ATXN1: variants seen among roughly 807,000 people sequenced by gnomAD.
The protein encoded by ATXN1 is ataxin-1.
ATXN1 carries 8 observed loss-of-function variants against 56.4 expected under a neutral mutation model. The ratio of observed to expected loss-of-function variants is 0.14; its 90% CI spans 0.08 to 0.26. The LOEUF (loss-of-function observed/expected upper bound fraction) is 0.26, where lower values mean the gene tolerates loss of function less well. Ranked by LOEUF, ATXN1 falls within the 10% of genes least tolerant of loss-of-function variation. The pLI is 1.00. For missense variants in ATXN1, 987 were observed against 1,106.5 expected (o/e 0.89, Z 1.53); for synonymous variants, 514 against 494.6 (o/e 1.04, Z -0.52).
At position 16,305,514 on chromosome 6, in the gene ATXN1, C is replaced by G. The variant is rs376832186; in HGVS notation, c.*815G>C. ...CTCCCTCTCCCCCACCCCCAACCCC[C>G]CTTACCCCATGTGGGGCCATGACAG... On this transcript the variant is annotated 3_prime_UTR_variant, in exon 8 of 8. Transcript: ENST00000436367. The G allele has an allele frequency of 1.3e-5, 2 of 152,458 alleles. No homozygotes were observed. Among genetic ancestry groups the G allele is most frequent in the Non-Finnish European group, 2.9e-5 (2 of 68,082 alleles). 9.4% of individuals were successfully genotyped at this position (152,458 alleles called of 1,614,324 possible). A position where few individuals can be genotyped will look rare whatever the true frequency, so the allele number is the denominator to read the frequency against.
Position 16,328,393 on chromosome 6 carries a change from G to C in ATXN1, c.-83C>G. On this transcript the variant is annotated 5_prime_UTR_variant, in exon 7 of 8. It adds an upstream start codon to the 5' untranslated region. Coordinates refer to ENST00000436367, the MANE Select transcript of ATXN1 (RefSeq NM_001128164.2). The surrounding 1 kb of genome is among the most constrained non-coding windows in gnomAD (Gnocchi z 6.2). ...GTCTGATAAACGGAAAGTCACATTT[G>C]ATTTCTGTAGGGGATCCAGGCTCTT... 7.1e-7 allele frequency: 1 copy of C among 1,410,096 alleles called. No homozygotes were observed. Among genetic ancestry groups the C allele is most frequent in the African/African-American group, 1.4e-5 (1 of 70,248 alleles). The allele number at this position is 1,410,096 out of a possible 1,614,324, so 87.3% of individuals were successfully genotyped here.
At chr6:16,463,187 T>C (rs1370271575) in intron 6 of ATXN1, among the ~76,000 whole-genome samples, 1 of 152,012 alleles carries the variant, frequency 6.6e-6, no homozygotes, top group African/African-American at 2.4e-5. Context: ...AACAACAAAC[T>C]CACACACCTT....
intron 3 of ATXN1, among the ~76,000 whole-genome samples, chr6:16,636,445 T>C (rs1248291011): frequency 6.6e-6 from 1 of 152,310 alleles, no homozygotes; most frequent in East Asian, 1.9e-4. Context: ...AGCTTTGTTC[T>C]CAAGCAAGCC....
chr6:16,579,679 G>T (rs1483013127), intron 4 of ATXN1, among the ~76,000 whole-genome samples: 1 of 152,006 alleles, frequency 6.6e-6, no homozygotes, highest in East Asian at 1.9e-4. Context: ...TAGGTACTCA[G>T]GAAAATCTCC....
In ATXN1 at chr6:16,313,558, ATTTT is replaced by A. The variant is rs527792987; in HGVS notation, c.1918-6703_1918-6700del. Among the ~76,000 whole-genome samples, 15 of 143,634 alleles carry A rather than the reference ATTTT, an allele frequency of 1.0e-4. No homozygotes were observed. In the South Asian group the frequency reaches 2.4e-3, roughly 23 times the overall value. The allele number at this position is 143,634 out of a possible 152,430, so 94.2% of individuals were successfully genotyped here. A position where few individuals can be genotyped will look rare whatever the true frequency, so the allele number is the denominator to read the frequency against. On this transcript the variant is annotated intron_variant, in intron 7 of 7. Transcript: ENST00000436367. ...ACTAAAACAAGATGACGTTAATGGA[ATTTT>A]TTTTTTTTTTTTGAGACAGAGTCTC...
intron 2 of ATXN1, among the ~76,000 whole-genome samples, chr6:16,731,776 C>CA (rs1759993664): frequency 6.6e-6 from 1 of 151,836 alleles, no homozygotes; most frequent in African/African-American, 2.4e-5. Context: ...CACCTACCCC[C>CA]ACCCCTCCTA....
chr6:16,457,308 C>T (rs549917522), intron 6 of ATXN1, among the ~76,000 whole-genome samples: 13 of 151,916 alleles, frequency 8.6e-5, no homozygotes, highest in African/African-American at 2.2e-4. Flanking sequence ...CTAGTGTTTC[C>T]GCTGCTGCTT....
In ATXN1 at chr6:16,401,658, A is replaced by G. The variant is rs148393661; in HGVS notation, c.-160-73188T>C. Reference sequence around the variant, plus strand: ...GGTGGACACACTTTGAGTCTCAAAAAGGAAAATAATGTTGACTTTTAGCTC... The same window carrying G: ...GGTGGACACACTTTGAGTCTCAAAAGGGAAAATAATGTTGACTTTTAGCTC... On this transcript the variant is annotated intron_variant, in intron 6 of 7. Transcript: ENST00000436367. Among the ~76,000 whole-genome samples, 344 of 152,338 alleles carry G rather than the reference A, an allele frequency of 2.3e-3. 1 individual carries two copies. The highest frequency in any genetic ancestry group is 7.5e-3 in the African/African-American group (310 of 41,588).
intron 2 of ATXN1, among the ~76,000 whole-genome samples, chr6:16,695,024 T>C (rs981942591): frequency 5.9e-5 from 9 of 152,172 alleles, no homozygotes; most frequent in Non-Finnish European, 5.9e-5. Flanking sequence ...ATTGTCACTG[T>C]TATTCTGTGA....
chr6:16,335,612 T>C (rs1761103200), intron 6 of ATXN1, among the ~76,000 whole-genome samples: 1 of 152,212 alleles, frequency 6.6e-6, no homozygotes, highest in Non-Finnish European at 1.5e-5. Context: ...GGTTGAATGG[T>C]AGATCCCTAA....
intron 2 of ATXN1, among the ~76,000 whole-genome samples, chr6:16,748,114 C>T (rs893096587): frequency 6.6e-6 from 1 of 152,156 alleles, no homozygotes; most frequent in African/African-American, 2.4e-5. Flanking sequence ...AACGGATAAG[C>T]AAATTGCCAC....
chr6:16,433,532 C>T (rs1209609982), intron 6 of ATXN1, among the ~76,000 whole-genome samples: 1 of 152,202 alleles, frequency 6.6e-6, no homozygotes, highest in Non-Finnish European at 1.5e-5. Context: ...TTAAGCACCC[C>T]TTTGTCACGT....
At chr6:16,345,241 A>G (rs1761351222) in intron 6 of ATXN1, among the ~76,000 whole-genome samples, 1 of 152,202 alleles carries the variant, frequency 6.6e-6, no homozygotes, top group East Asian at 1.9e-4. Context: ...TTCTCACGTG[A>G]GATTATTAAC....
intron 6 of ATXN1, among the ~76,000 whole-genome samples, chr6:16,375,200 A>T (rs1762120125): frequency 6.6e-6 from 1 of 152,252 alleles, no homozygotes; most frequent in South Asian, 2.1e-4. Context: ...AAGGAGTCAC[A>T]AAAGCTCTGG....
intron 2 of ATXN1, among the ~76,000 whole-genome samples, chr6:16,749,394 C>A (rs1488093263): frequency 2.0e-5 from 3 of 152,210 alleles, no homozygotes; most frequent in African/African-American, 7.2e-5. Context: ...ATAGAAGGAT[C>A]ATTTGTTTAA....
chr6:16,667,201 A>T (rs140237220), intron 2 of ATXN1: 3 of 152,326 alleles, frequency 2.0e-5, no homozygotes, highest in African/African-American at 7.2e-5. Context: ...CAAGTGACAG[A>T]TTGAGGACTC....
At chr6:16,595,419 A>G (rs569363364) in intron 3 of ATXN1, among the ~76,000 whole-genome samples, 185 of 152,370 alleles carry the variant, frequency 1.2e-3, no homozygotes, top group Middle Eastern at 3.4e-3. Context: ...GCATGAGTAC[A>G]GAATTGGCAA....
chr6:16,628,633 T>C (rs1763449256), intron 3 of ATXN1, among the ~76,000 whole-genome samples: 1 of 152,180 alleles, frequency 6.6e-6, no homozygotes, highest in South Asian at 2.1e-4. Context: ...TACCCTCAAG[T>C]AGGACCCAGT....
At chr6:16,557,946 T>C (rs1762044294) in intron 4 of ATXN1, among the ~76,000 whole-genome samples, 1 of 152,222 alleles carries the variant, frequency 6.6e-6, no homozygotes, top group African/African-American at 2.4e-5. Context: ...GTTCCATTTA[T>C]ATGAGATGTC....
Sources: allele counts gnomAD v4.1 joint callset (sites outside exome capture counted in the v4.1 genomes callset), GRCh38; gene constraint gnomAD v4.1.1; non-coding constraint Gnocchi (gnomAD v3.1); transcripts MANE v1.5; gene names NCBI Gene and HGNC (gene_info 2026-07-23, HGNC 2026-07-21).